Variants in DNM3 observed in about 807,000 individuals in gnomAD.
DNM3 encodes dynamin-3.
In DNM3, 47 loss-of-function variants were observed where a neutral mutation model predicts 101.6. That is an observed-to-expected ratio of 0.46 (90% CI 0.37 to 0.59). DNM3 has a LOEUF of 0.59. Ranked by LOEUF, DNM3 falls within the 20% of genes least tolerant of loss-of-function variation. The pLI, the probability that DNM3 is intolerant of heterozygous loss-of-function variation, is 0.00. For missense variants in DNM3, 849 were observed against 1,085.7 expected, an observed-to-expected ratio of 0.78 and a Z score of 3.06; for synonymous variants, 385 against 387.9, an observed-to-expected ratio of 0.99 and a Z score of 0.09.
Position 171,921,843 on chromosome 1 carries a change from C to T in DNM3, c.235+22C>T, listed in dbSNP as rs762540504. Reference sequence around the variant, plus strand: ...GCAGGTAATGAATGAAGATGTTTACCGCATGGATGGGCACATCCTGTGGCC... The same window carrying T: ...GCAGGTAATGAATGAAGATGTTTACTGCATGGATGGGCACATCCTGTGGCC... On this transcript the variant is annotated intron_variant, in intron 2 of 20. Coordinates refer to ENST00000627582, the MANE Select transcript of DNM3 (RefSeq NM_015569.5). The T allele has an allele frequency of 5.1e-6, 8 of 1,580,044 alleles. No homozygotes were observed. In the East Asian group the frequency reaches 6.9e-5, roughly 14 times the overall value.
chr1:172,134,525 A>G (rs2057114932), intron 14 of DNM3, among the ~76,000 whole-genome samples: 1 of 152,184 alleles, frequency 6.6e-6, no homozygotes, highest in Admixed American at 6.5e-5. Context: ...GCTAAGTGTC[A>G]GTGCTGTGCT....
At chr1:172,149,785 A>G (rs1044118433) in intron 14 of DNM3, among the ~76,000 whole-genome samples, 1 of 152,174 alleles carries the variant, frequency 6.6e-6, no homozygotes, top group Non-Finnish European at 1.5e-5. Flanking sequence ...CTAAGGAAAA[A>G]ATACCTGTAT....
At chr1:171,941,816 T>C (rs2041834219) in intron 2 of DNM3, among the ~76,000 whole-genome samples, 1 of 152,206 alleles carries the variant, frequency 6.6e-6, no homozygotes, top group Admixed American at 6.5e-5. Context: ...AGTGCTATCA[T>C]TTTCTAATTA....
intron 14 of DNM3, among the ~76,000 whole-genome samples, chr1:172,156,213 G>A (rs2058331857): frequency 6.6e-6 from 1 of 152,110 alleles, no homozygotes; most frequent in African/African-American, 2.4e-5. Flanking sequence ...GCATCAACCA[G>A]TAAGAACTGC....
chr1:172,031,449 A>G lies in DNM3; in HGVS notation c.590-953A>G, dbSNP rs139034601. Among the ~76,000 whole-genome samples, 348 of 152,128 alleles carry G rather than the reference A, an allele frequency of 2.3e-3. 1 individual carries two copies. The highest frequency in any genetic ancestry group is 3.8e-3 in the Non-Finnish European group (259 of 67,942). Reference sequence around the variant, plus strand: ...GAGCATTAGGACAAATAGCTAATGCATTGGGAGGCTTAAAACCTAGATGAT... The same window carrying G: ...GAGCATTAGGACAAATAGCTAATGCGTTGGGAGGCTTAAAACCTAGATGAT... On this transcript the variant is annotated intron_variant, in intron 4 of 20. Coordinates refer to ENST00000627582, the MANE Select transcript of DNM3 (RefSeq NM_015569.5).
chr1:172,034,577 G>A (rs992429770), intron 6 of DNM3, among the ~76,000 whole-genome samples: 1 of 149,080 alleles, frequency 6.7e-6, no homozygotes, highest in Non-Finnish European at 1.5e-5. Flanking sequence ...TTGGATTCTC[G>A]TTGACTAAAA....
intron 11 of DNM3, among the ~76,000 whole-genome samples, chr1:172,079,541 A>C (rs911746414): frequency 6.6e-6 from 1 of 152,128 alleles, no homozygotes; most frequent in African/African-American, 2.4e-5. Flanking sequence ...CAAGGTTCTT[A>C]GCTTCCTTGC....
At chr1:171,935,552 A>AG (rs1296571077) in intron 2 of DNM3, among the ~76,000 whole-genome samples, 1 of 152,140 alleles carries the variant, frequency 6.6e-6, no homozygotes, top group Admixed American at 6.6e-5. Flanking sequence ...GTCATGAGCA[A>AG]GGGAGCAGGA....
At chr1:172,367,149 T>G (rs1573622872) in intron 17 of DNM3, among the ~76,000 whole-genome samples, 1 of 151,814 alleles carries the variant, frequency 6.6e-6, no homozygotes, top group East Asian at 2.0e-4. Flanking sequence ...AAGCTAACAT[T>G]AGATTTCTCA....
intron 20 of DNM3, among the ~76,000 whole-genome samples, chr1:172,391,418 G>A (rs1437375446): frequency 2.6e-5 from 4 of 152,126 alleles, no homozygotes; most frequent in Non-Finnish European, 5.9e-5. Context: ...GCTTTAGATG[G>A]AGAGTTCTGA....
Position 172,407,396 on chromosome 1 carries a change from T to C in DNM3, c.2523-376T>C, listed in dbSNP as rs139612926. ...GAAAATTATATGTGAGAAATAAAAA[T>C]TCAAAAGCCATCATTGTCTGAAACA... On this transcript the variant is annotated intron_variant, in intron 20 of 20. Transcript: ENST00000627582. Among the ~76,000 whole-genome samples the C allele has an allele frequency of 3.2e-3, 486 of 152,164 alleles. 2 individuals are homozygous for C. Among genetic ancestry groups the C allele is most frequent in the African/African-American group, 0.011 (455 of 41,532 alleles).
chr1:172,091,802 G>A (rs1324138665), intron 12 of DNM3, among the ~76,000 whole-genome samples: 3 of 152,170 alleles, frequency 2.0e-5, no homozygotes, highest in Admixed American at 2.0e-4. Context: ...TGTCTGTTAA[G>A]AATAGACTTC....
intron 15 of DNM3, among the ~76,000 whole-genome samples, chr1:172,307,872 T>C (rs1022027192): frequency 2.6e-5 from 4 of 150,988 alleles, no homozygotes; most frequent in African/African-American, 9.8e-5. Context: ...GGGCCTGTCA[T>C]AGGGTGGGGG....
At position 172,304,116 on chromosome 1, in the gene DNM3, T is replaced by C. The variant is rs556709381; in HGVS notation, c.1770-4612T>C. Reference sequence around the variant, plus strand: ...GATAAAGAATCAAGACCCATCAGTGTGCTGTATTCAGGAGACCCATCTCAC... The same window carrying C: ...GATAAAGAATCAAGACCCATCAGTGCGCTGTATTCAGGAGACCCATCTCAC... On this transcript the variant is annotated intron_variant, in intron 15 of 20. Transcript: ENST00000627582. Among the ~76,000 whole-genome samples, 4 of 150,480 alleles carry C rather than the reference T, an allele frequency of 2.7e-5. No homozygotes were observed. The South Asian group carries it at 8.5e-4, about 32-fold the overall frequency.
chr1:171,850,543 G>T (rs1351668905), intron 1 of DNM3, among the ~76,000 whole-genome samples: 4 of 152,132 alleles, frequency 2.6e-5, no homozygotes, highest in Non-Finnish European at 5.9e-5. Flanking sequence ...TAGCATTCAT[G>T]GTTCTGAGTC....
At chr1:172,103,515 A>G (rs2054800254) in intron 13 of DNM3, among the ~76,000 whole-genome samples, 1 of 152,194 alleles carries the variant, frequency 6.6e-6, no homozygotes, top group East Asian at 1.9e-4. Flanking sequence ...TGCCATACTT[A>G]ATTCACATTT....
chr1:172,215,443 A>T (rs1438689720), intron 14 of DNM3, among the ~76,000 whole-genome samples: 1 of 152,016 alleles, frequency 6.6e-6, no homozygotes, highest in African/African-American at 2.4e-5. Flanking sequence ...ATGCATAAGA[A>T]CCCAAAGAGG....
chr1:172,388,523 T>A, intron 19 of DNM3, 50 bp from the exon 20 acceptor site: 1 of 1,486,112 alleles, frequency 6.7e-7, no homozygotes, highest in East Asian at 2.3e-5. Flanking sequence ...TAGAGATTAA[T>A]TCAGACAGAA....
intron 10 of DNM3, among the ~76,000 whole-genome samples, chr1:172,057,880 A>G (rs1218122528): frequency 7.2e-6 from 1 of 138,816 alleles, no homozygotes; most frequent in Non-Finnish European, 1.5e-5. Context: ...AAATGCTCCA[A>G]TTAAAAGACA....
Sources: gnomAD v4.1 joint callset for allele counts (sites outside exome capture counted in the v4.1 genomes callset) on GRCh38, gnomAD v4.1.1 for gene constraint, MANE v1.5 for transcripts, NCBI Gene and HGNC (gene_info 2026-07-23, HGNC 2026-07-21) for gene names.